TRIM46: variants seen among roughly 807,000 people sequenced by gnomAD.
The protein encoded by TRIM46 is tripartite motif containing 46, also known as tripartite motif-containing protein 46.
TRIM46 carries 17 observed loss-of-function variants against 69.7 expected under a neutral mutation model. The ratio of observed to expected loss-of-function variants is 0.24; its 90% CI spans 0.17 to 0.37. TRIM46 has a LOEUF of 0.37. Ranked by LOEUF, TRIM46 falls within the 10% of genes least tolerant of loss-of-function variation. TRIM46 has a pLI of 1.00. For synonymous variants in TRIM46, 391 were observed against 429.0 expected (o/e 0.91, Z 1.09); for missense variants, 675 against 1,025.1 (o/e 0.66, Z 4.66).
chr1:155,178,250 C>T lies in TRIM46; in HGVS notation c.1158C>T (p.His386=), dbSNP rs1665842600. 1 of 1,599,490 alleles carries T rather than the reference C, an allele frequency of 6.3e-7. No homozygotes were observed. The highest frequency in any genetic ancestry group is 8.5e-7 in the Non-Finnish European group (1 of 1,170,358). ...TTGTGCAAGCCGCCAAGCAGCTGCACAACAGGTACTCAGGGGCATGGGCTC... is the reference window on the plus strand; with the variant it reads ...TTGTGCAAGCCGCCAAGCAGCTGCATAACAGGTACTCAGGGGCATGGGCTC... ...PCFVQAAKQL[H]NRIARATEAL... Residue 386 remains histidine, a synonymous_variant, in exon 6 of 10, where the codon CAC becomes CAT. Coordinates refer to ENST00000334634, the MANE Select transcript of TRIM46 (RefSeq NM_025058.5).
chr1:155,184,200 GC>G lies in TRIM46; in HGVS notation c.*14del, dbSNP rs1344983144. On this transcript the variant is annotated 3_prime_UTR_variant, in exon 10 of 10. Transcript: ENST00000334634. The surrounding 1 kb of genome is among the most constrained non-coding windows in gnomAD (Gnocchi z 5.6). ...CGCCAAGCTGGACTGAGCCTTCCAG[GC>G]CCCTCATGCAGACCTGGGGTCCTCC... 3 of 1,587,906 alleles carry G rather than the reference GC, an allele frequency of 1.9e-6. No individual in the cohort carries two copies. The highest frequency in any genetic ancestry group is 2.6e-6 in the Non-Finnish European group (3 of 1,166,592).
chr1:155,179,548 G>A, intron 7 of TRIM46, 84 bp from the exon 8 acceptor site: 1 of 1,363,420 alleles, frequency 7.3e-7, no homozygotes, highest in Non-Finnish European at 1.0e-6. Context: ...GGCTCCCGCT[G>A]CTTTCCCTTT....
rs1392227864 is a variant in TRIM46, at chr1:155,184,378, C to A, written c.*188C>A. ...CAGGGGCTCTCTTCTGCCCACCTCT[C>A]TGGATGGCCCCCGTTCTCTCCATTG... On this transcript the variant is annotated 3_prime_UTR_variant, in exon 10 of 10. Transcript: ENST00000334634. This position sits in a 1 kb window ranked among gnomAD's most constrained non-coding sequence, Gnocchi z 5.6. The A allele has an allele frequency of 1.1e-5, 7 of 658,090 alleles. No homozygotes were observed. Among genetic ancestry groups the A allele is most frequent in the Non-Finnish European group, 1.8e-5 (7 of 395,810 alleles). 40.8% of individuals were successfully genotyped at this position (658,090 alleles called of 1,614,324 possible). A position where few individuals can be genotyped will look rare whatever the true frequency, so the allele number is the denominator to read the frequency against.
chr1:155,174,913 G>C (rs1665512516), intron 1 of TRIM46: 1 of 1,408,694 alleles, frequency 7.1e-7, no homozygotes, highest in African/African-American at 1.5e-5. Context: ...GCAGGAGGAC[G>C]TATGGAGCGA....
Position 155,179,839 on chromosome 1 carries a change from C to T in TRIM46, c.1493C>T (p.Thr498Met), listed in dbSNP as rs1490573470. Residue 498 changes from threonine (T) to methionine (M), a missense_variant, in exon 8 of 10, where the codon ACG (threonine) becomes ATG (methionine). This residue lies in a region of TRIM46 where 361 missense variants were observed against 498.3 expected (regional missense o/e 0.72). Transcript: ENST00000334634. ...AGTGCCCTGCTTGAGAACCCCGACA[C>T]GGGCTCTGTGTATGTGCTGCGTGTC... The part of the protein sequence containing the change: ...GTSALLENPD[T>M]GSVYVLRVRG... 1.1e-5 allele frequency: 18 copies of T among 1,613,544 alleles called. No homozygotes were observed. The highest frequency in any genetic ancestry group is 2.2e-5 in the East Asian group (1 of 44,872).
At chr1:155,176,836 T>A in intron 3 of TRIM46, 96 bp from the exon 4 acceptor site, 1 of 1,469,514 alleles carries the variant, frequency 6.8e-7, no homozygotes, top group Non-Finnish European at 9.4e-7. Context: ...CACTCCCATC[T>A]TGCCAGTGGA....
Position 155,175,876 on chromosome 1 carries a change from G to T in TRIM46, c.326-12G>T. On this transcript the variant is annotated splice_polypyrimidine_tract_variant and intron_variant, in intron 2 of 9. Transcript: ENST00000334634. The surrounding 1 kb of genome is among the most constrained non-coding windows in gnomAD (Gnocchi z 4.2). ...AACTCTCATGTCCTCTACCTCCCTG[G>T]TTCACCCACAGGCTTTGGGACATAC... is the stretch of plus-strand genomic sequence containing the variant. 6.3e-7 allele frequency: 1 copy of T among 1,583,128 alleles called. No homozygotes were observed. The highest frequency in any genetic ancestry group is 1.1e-5 in the South Asian group (1 of 87,044).
In TRIM46 at chr1:155,175,069, G is replaced by A. The variant is rs756350837; in HGVS notation, c.64-317G>A. ...GCCAGGGGCAAGCTGCCCAGAGATG[G>A]GGGATGGAGGCAGGTGAGGGGGCTG... On this transcript the variant is annotated intron_variant, in intron 1 of 9. Coordinates refer to ENST00000334634, the MANE Select transcript of TRIM46 (RefSeq NM_025058.5). This position sits in a 1 kb window ranked among gnomAD's most constrained non-coding sequence, Gnocchi z 4.2. The A allele has an allele frequency of 2.1e-4, 285 of 1,367,692 alleles. 1 individual carries two copies. The highest frequency in any genetic ancestry group is 2.6e-4 in the Non-Finnish European group (274 of 1,065,070). 84.7% of individuals were successfully genotyped at this position (1,367,692 alleles called of 1,614,324 possible). A position where few individuals can be genotyped will look rare whatever the true frequency, so the allele number is the denominator to read the frequency against.
At chr1:155,178,739 T>TGGGGCCCCCCCCCCCCCCCCCCC in intron 7 of TRIM46, 126 bp downstream of exon 7, 2 of 1,348,468 alleles carry the variant, frequency 1.5e-6, no homozygotes, top group Non-Finnish European at 2.0e-6. Flanking sequence ...CAGCCATTCC[T>TGGGGCCCCCCCCCCCCCCCCCCC]CCCACCCAGC....
intron 7 of TRIM46, among the ~76,000 whole-genome samples, chr1:155,179,428 A>C (rs1318981083): frequency 6.6e-6 from 1 of 152,032 alleles, no homozygotes; most frequent in African/African-American, 2.4e-5. Context: ...CCTGACCCCC[A>C]GCCCAGCGCT....
chr1:155,182,307 C>A, intron 9 of TRIM46, 158 bp downstream of exon 9: 2 of 816,314 alleles, frequency 2.5e-6, no homozygotes, highest in Non-Finnish European at 1.9e-6. Context: ...GGCCTGTGTC[C>A]AGGAGACGCA....
chr1:155,175,149 G>A lies in TRIM46; in HGVS notation c.64-237G>A. 1 of 1,391,436 alleles carries A rather than the reference G, an allele frequency of 7.2e-7. No individual in the cohort carries two copies. Among genetic ancestry groups the A allele is most frequent in the African/African-American group, 1.5e-5 (1 of 67,772 alleles). 86.2% of individuals were successfully genotyped at this position (1,391,436 alleles called of 1,614,324 possible). Reference sequence around the variant, plus strand: ...GGGGATTGGGCTTGAGGCTGGAGCAGGCACAAGCTCCAACCGTCCCTCCTC... The same window carrying A: ...GGGGATTGGGCTTGAGGCTGGAGCAAGCACAAGCTCCAACCGTCCCTCCTC... On this transcript the variant is annotated intron_variant, in intron 1 of 9. Transcript: ENST00000334634. This position sits in a 1 kb window ranked among gnomAD's most constrained non-coding sequence, Gnocchi z 4.2.
At position 155,176,038 on chromosome 1, in the gene TRIM46, G is replaced by T; in HGVS notation, c.476G>T (p.Arg159Leu). The change falls in exon 3 of 10, where the codon CGG becomes CTG. Residue 159 changes from arginine (R) to leucine (L), a missense_variant. Coordinates refer to ENST00000334634, the MANE Select transcript of TRIM46 (RefSeq NM_025058.5). ...CTGACCCTGGAGCGTGTGGTGGAGC[G>T]GTACCGCCAGAGTGTGAGTGTGGGA... The part of the protein sequence containing the change: ...RNLTLERVVE[R>L]YRQSVSVGGA... 4 of 1,614,114 alleles carry T rather than the reference G, an allele frequency of 2.5e-6. No individual in the cohort carries two copies. The highest frequency in any genetic ancestry group is 3.4e-6 in the Non-Finnish European group (4 of 1,180,006).
intron 6 of TRIM46, 66 bp downstream of exon 6, chr1:155,178,321 T>C (rs1157542063): frequency 1.3e-6 from 2 of 1,558,876 alleles, no homozygotes; most frequent in Non-Finnish European, 8.7e-7. Flanking sequence ...TCTAGGACAA[T>C]GTCTACAGTA....
chr1:155,175,956 G>A lies in TRIM46; in HGVS notation c.394G>A (p.Ala132Thr), dbSNP rs1008692712. The change falls in exon 3 of 10, where the codon GCC becomes ACC. Residue 132 changes from alanine (A) to threonine (T), a missense_variant. Coordinates refer to ENST00000334634, the MANE Select transcript of TRIM46 (RefSeq NM_025058.5). This position sits in a 1 kb window ranked among gnomAD's most constrained non-coding sequence, Gnocchi z 4.2. ...CCAAGTGATCATGTTCCCGTGCCCAGCCTGCCAAGGTGATGTGGAGCTTGG... is the reference window on the plus strand; with the variant it reads ...CCAAGTGATCATGTTCCCGTGCCCAACCTGCCAAGGTGATGTGGAGCTTGG... ...HPQVIMFPCP[A>T]CQGDVELGER... is the part of the protein sequence containing the mutation. 1.9e-6 allele frequency: 3 copies of A among 1,609,430 alleles called. No homozygotes were observed. The highest frequency in any genetic ancestry group is 3.3e-5 in the Admixed American group (2 of 59,826).
intron 7 of TRIM46, 66 bp downstream of exon 7, chr1:155,178,679 C>T (rs1665887241): frequency 5.6e-6 from 9 of 1,597,878 alleles, no homozygotes; most frequent in Admixed American, 3.3e-5. Context: ...GCAGCGGGCC[C>T]GGGGGGCAGT....
intron 8 of TRIM46, 114 bp downstream of exon 8, chr1:155,180,048 C>A: frequency 8.6e-7 from 1 of 1,163,476 alleles, no homozygotes; most frequent in Non-Finnish European, 1.2e-6. Flanking sequence ...GTAGGTCTCA[C>A]ACACACTAGC....
At position 155,181,708 on chromosome 1, in the gene TRIM46, T is replaced by C. The variant is rs1666185361; in HGVS notation, c.1589-144T>C. On this transcript the variant is annotated intron_variant, in intron 8 of 9. Coordinates refer to ENST00000334634, the MANE Select transcript of TRIM46 (RefSeq NM_025058.5). This position sits in a 1 kb window ranked among gnomAD's most constrained non-coding sequence, Gnocchi z 4.3. ...TCATGCCCCCCATTCCAGTTTCCCA[T>C]GTCCTGTTCTCCTGAACCCCCTGCC... The C allele has an allele frequency of 4.6e-6, 3 of 655,602 alleles. No homozygotes were observed. The highest frequency in any genetic ancestry group is 7.1e-6 in the Non-Finnish European group (3 of 420,194). The allele number at this position is 655,602 out of a possible 1,614,324, so 40.6% of individuals were successfully genotyped here.
intron 6 of TRIM46, 93 bp from the exon 7 acceptor site, chr1:155,178,399 G>C: frequency 1.3e-6 from 2 of 1,591,716 alleles, no homozygotes; most frequent in Non-Finnish European, 1.7e-6. Context: ...TCCCAAAGCA[G>C]TTCCCAAGGC....
Sources: allele counts gnomAD v4.1 joint callset (sites outside exome capture counted in the v4.1 genomes callset), GRCh38; gene constraint gnomAD v4.1.1; regional missense constraint gnomAD v4.1.1; non-coding constraint Gnocchi (gnomAD v3.1); transcripts MANE v1.5; gene names NCBI Gene and HGNC (gene_info 2026-07-23, HGNC 2026-07-21).